Variants in TBC1D22A observed in about 807,000 individuals in gnomAD.
TBC1D22A encodes the protein TBC1 domain family member 22A.
Under a neutral mutation model 60.2 loss-of-function variants are expected in TBC1D22A, and 38 were observed. The ratio of observed to expected loss-of-function variants is 0.63; its 90% CI spans 0.49 to 0.83. The LOEUF (loss-of-function observed/expected upper bound fraction) is 0.83, where lower values mean the gene tolerates loss of function less well. Among genes scored for constraint, TBC1D22A ranks in the 40% least tolerant of loss-of-function variants. The pLI is 0.00. For missense variants in TBC1D22A, 628 were observed against 701.0 expected (o/e 0.90, Z 1.18); for synonymous variants, 302 against 281.7 (o/e 1.07, Z -0.72).
intron 10 of TBC1D22A, among the ~76,000 whole-genome samples, chr22:47,011,367 C>T (rs8136001): frequency 0.081 from 12,322 of 152,178 alleles, 977 homozygotes; most frequent in African/African-American, 0.2. Context: ...CATCTTGTGC[C>T]TTATGGTGCC....
intron 12 of TBC1D22A, among the ~76,000 whole-genome samples, chr22:47,168,740 G>A (rs1220838139): frequency 6.7e-5 from 7 of 103,752 alleles, no homozygotes; most frequent in South Asian, 2.8e-4. Context: ...GCTTGTCACC[G>A]TCTCACCCTT....
chr22:46,839,081 T>TA (rs2086641010), intron 4 of TBC1D22A, among the ~76,000 whole-genome samples: 1 of 152,216 alleles, frequency 6.6e-6, no homozygotes, highest in African/African-American at 2.4e-5. Context: ...TCGCATGATC[T>TA]TATACGTAGA....
At chr22:46,874,315 G>A (rs1358843107) in intron 4 of TBC1D22A, among the ~76,000 whole-genome samples, 1 of 152,066 alleles carries the variant, frequency 6.6e-6, no homozygotes, top group African/African-American at 2.4e-5. Flanking sequence ...TGAGATTGCT[G>A]GGTCAAATGG....
chr22:47,086,953 T>C (rs1340818241), intron 11 of TBC1D22A, among the ~76,000 whole-genome samples: 1 of 152,224 alleles, frequency 6.6e-6, no homozygotes, highest in African/African-American at 2.4e-5. Context: ...TCCATCAATG[T>C]GAAACTGGCT....
chr22:47,145,189 C>T (rs1175319941), intron 12 of TBC1D22A, among the ~76,000 whole-genome samples: 1 of 152,214 alleles, frequency 6.6e-6, no homozygotes, highest in African/African-American at 2.4e-5. Context: ...CCTGGATCCC[C>T]ACCTGCGTCT....
chr22:47,166,054 G>T lies in TBC1D22A; in HGVS notation c.1426-7444G>T, dbSNP rs117031660. Among the ~76,000 whole-genome samples, 656 of 152,330 alleles carry T rather than the reference G, an allele frequency of 4.3e-3. 3 individuals are homozygous for T. The highest frequency in any genetic ancestry group is 7.9e-3 in the Admixed American group (121 of 15,306). On this transcript the variant is annotated intron_variant, in intron 12 of 12. Transcript: ENST00000337137. ...ATTAATTTATTCATCTTTGCATGTT[G>T]GCAATTTGTAAACTTCTGACTTGAG...
In TBC1D22A at chr22:46,772,040, C is replaced by A; in HGVS notation, c.62+9192C>A. Among the ~76,000 whole-genome samples, 2 of 148,216 alleles carry A rather than the reference C, an allele frequency of 1.3e-5. 1 individual carries two copies. The highest frequency in any genetic ancestry group is 4.2e-4 in the South Asian group (2 of 4,748). ...TTTTTATGGCTAAGTAGTATTCCAT[C>A]GTATATATACATATACATATATATG... On this transcript the variant is annotated intron_variant, in intron 1 of 12. Coordinates refer to ENST00000337137, the MANE Select transcript of TBC1D22A (RefSeq NM_014346.5).
chr22:46,969,598 T>C (rs1170946595), intron 8 of TBC1D22A, among the ~76,000 whole-genome samples: 2 of 152,212 alleles, frequency 1.3e-5, no homozygotes, highest in Non-Finnish European at 2.9e-5. Flanking sequence ...TGACTTCACA[T>C]TTTGTTGTGG....
intron 4 of TBC1D22A, among the ~76,000 whole-genome samples, chr22:46,874,842 A>G (rs558684867): frequency 1.6e-4 from 25 of 152,126 alleles, no homozygotes; most frequent in South Asian, 1.5e-3. Flanking sequence ...CCAAAGTGCT[A>G]GGATTACAGG....
chr22:47,039,501 G>A (rs865950160), intron 11 of TBC1D22A, among the ~76,000 whole-genome samples: 1 of 151,932 alleles, frequency 6.6e-6, no homozygotes, highest in African/African-American at 2.4e-5. Context: ...CTTGGGACAC[G>A]TGTCAATAAA....
intron 1 of TBC1D22A, among the ~76,000 whole-genome samples, chr22:46,781,101 C>CCCCTCTG (rs1222595462): frequency 6.6e-6 from 1 of 151,764 alleles, no homozygotes; most frequent in Non-Finnish European, 1.5e-5. Context: ...TATGCCGTGA[C>CCCCTCTG]CCCTCTGCTC....
chr22:46,895,339 T>C (rs1261819760), intron 7 of TBC1D22A, among the ~76,000 whole-genome samples: 1 of 152,214 alleles, frequency 6.6e-6, no homozygotes, highest in Non-Finnish European at 1.5e-5. Flanking sequence ...GCTGCATAAC[T>C]CTTTGTGTAG....
At chr22:46,769,735 G>C (rs2083423754) in intron 1 of TBC1D22A, among the ~76,000 whole-genome samples, 1 of 152,176 alleles carries the variant, frequency 6.6e-6, no homozygotes, top group Non-Finnish European at 1.5e-5. Flanking sequence ...GAGTGTTGAA[G>C]GGTTTTAAAC....
At chr22:46,857,973 T>C (rs1569138407) in intron 4 of TBC1D22A, among the ~76,000 whole-genome samples, 1 of 152,196 alleles carries the variant, frequency 6.6e-6, no homozygotes, top group Non-Finnish European at 1.5e-5. Flanking sequence ...GTGTTTTCCT[T>C]TCTCTCGGGG....
intron 9 of TBC1D22A, among the ~76,000 whole-genome samples, chr22:46,978,607 T>G (rs1254556174): frequency 1.3e-5 from 2 of 151,972 alleles, no homozygotes; most frequent in Non-Finnish European, 2.9e-5. Flanking sequence ...GGAAGCGTGT[T>G]TTTTGTTTGT....
intron 7 of TBC1D22A, among the ~76,000 whole-genome samples, chr22:46,896,018 A>C (rs1234811787): frequency 6.6e-6 from 1 of 152,086 alleles, no homozygotes; most frequent in Non-Finnish European, 1.5e-5. Flanking sequence ...CACGCCGCAC[A>C]TCCTTGCCAG....
rs149290402 is a variant in TBC1D22A, at chr22:46,827,648, A to T, written c.637+30028A>T. On this transcript the variant is annotated intron_variant, in intron 4 of 12. Coordinates refer to ENST00000337137, the MANE Select transcript of TBC1D22A (RefSeq NM_014346.5). ...GAGCTGCTGTCATTTCCACTTGAGG[A>T]TGCGTGTGGGCTTGGTCACTTTGTG... Among the ~76,000 whole-genome samples, 174 of 152,194 alleles carry T rather than the reference A, an allele frequency of 1.1e-3. 1 individual carries two copies. Among genetic ancestry groups the T allele is most frequent in the Middle Eastern group, 0.01 (3 of 292 alleles).
At chr22:47,157,959 G>A (rs143746976) in intron 12 of TBC1D22A, among the ~76,000 whole-genome samples, 59 of 152,330 alleles carry the variant, frequency 3.9e-4, no homozygotes, top group East Asian at 1.5e-3. Flanking sequence ...CTGGATGGGC[G>A]TCGTGGCTCT....
chr22:46,854,493 T>C (rs955879090), intron 4 of TBC1D22A, among the ~76,000 whole-genome samples: 2 of 152,120 alleles, frequency 1.3e-5, no homozygotes, highest in Non-Finnish European at 2.9e-5. Flanking sequence ...TCATTGTCAT[T>C]TTGGCCTTTC....
Sources: gnomAD v4.1 joint callset for allele counts (sites outside exome capture counted in the v4.1 genomes callset) on GRCh38, gnomAD v4.1.1 for gene constraint, MANE v1.5 for transcripts, NCBI Gene and HGNC (gene_info 2026-07-23, HGNC 2026-07-21) for gene names.